IQCK: variants seen among roughly 807,000 people sequenced by gnomAD.
The protein encoded by IQCK is IQ domain-containing protein K.
In IQCK, 29 loss-of-function variants were observed where a neutral mutation model predicts 28.1. The ratio of observed to expected loss-of-function variants is 1.03; its 90% CI spans 0.77 to 1.41. IQCK has a LOEUF of 1.41. Among genes scored for constraint, IQCK ranks in the 40% most tolerant of loss-of-function variants. The pLI is 0.00. For missense variants in IQCK, 359 were observed against 314.7 expected (o/e 1.14, Z -1.07); for synonymous variants, 113 against 115.1 (o/e 0.98, Z 0.12).
At chr16:19,734,440 A>G (rs750632091) in intron 3 of IQCK, among the ~76,000 whole-genome samples, 6 of 145,126 alleles carry the variant, frequency 4.1e-5, no homozygotes, top group Non-Finnish European at 7.5e-5. Flanking sequence ...AGCCTGGGCA[A>G]CAGACTAAGA....
At chr16:19,733,672 G>A in intron 2 of IQCK, 26 bp from the exon 3 acceptor site, 2 of 1,611,004 alleles carry the variant, frequency 1.2e-6, no homozygotes, top group Non-Finnish European at 1.7e-6. Context: ...TAAATGAATT[G>A]CCTCCCCTCC....
chr16:19,827,126 A>G (rs1704620344), exon 8 of IQCK: 1 of 1,611,372 alleles, frequency 6.2e-7, no homozygotes, highest in Admixed American at 1.7e-5. Flanking sequence ...TGGGCCAAGC[A>G]AGAACAAAAA....
At chr16:19,733,243 T>C (rs1217705832) in intron 2 of IQCK, among the ~76,000 whole-genome samples, 2 of 152,060 alleles carry the variant, frequency 1.3e-5, no homozygotes, top group African/African-American at 4.8e-5. Context: ...GTTCAAGCAA[T>C]TATCCTGCCT....
chr16:19,783,566 A>T (rs969863310), intron 6 of IQCK, among the ~76,000 whole-genome samples: 1 of 151,714 alleles, frequency 6.6e-6, no homozygotes, highest in East Asian at 1.9e-4. Context: ...TTTTTATTTG[A>T]CCTTAAGCCA....
chr16:19,740,815 A>G (rs2054822256), intron 4 of IQCK, among the ~76,000 whole-genome samples: 1 of 151,782 alleles, frequency 6.6e-6, no homozygotes, highest in Non-Finnish European at 1.5e-5. Context: ...CTAAAAATAC[A>G]AAAATTAGCC....
chr16:19,763,813 G>A (rs1368535680), intron 4 of IQCK, 35 bp from the exon 5 acceptor site: 1 of 1,509,954 alleles, frequency 6.6e-7, no homozygotes. Flanking sequence ...GTGTTTAAGG[G>A]TCAGTTGTAA....
chr16:19,742,399 A>G (rs2054850740), intron 4 of IQCK, among the ~76,000 whole-genome samples: 1 of 152,142 alleles, frequency 6.6e-6, no homozygotes, highest in Admixed American at 6.5e-5. Flanking sequence ...TTATTTTCGA[A>G]GGCTTAAAAA....
intron 1 of IQCK, among the ~76,000 whole-genome samples, chr16:19,726,212 T>A (rs1977651509): frequency 6.6e-6 from 1 of 150,536 alleles, no homozygotes; most frequent in Admixed American, 6.6e-5. Context: ...CCGTGCCCAG[T>A]CCGGAACTCC....
rs2056130742 is a variant in IQCK, at chr16:19,825,183, G to A, written c.691-1843G>A. On this transcript the variant is annotated intron_variant, in intron 7 of 7. Transcript: ENST00000564186. The surrounding 1 kb of genome is among the most constrained non-coding windows in gnomAD (Gnocchi z 4.2). ...AACTCAGTTATCTCATCTGTAACAT[G>A]GAGATAATCATTCCTGCCTTATTGG... Among the ~76,000 whole-genome samples, 1 of 152,202 alleles carries A rather than the reference G, an allele frequency of 6.6e-6. No individual in the cohort carries two copies.
At chr16:19,785,778 A>G (rs2055554072) in intron 6 of IQCK, among the ~76,000 whole-genome samples, 1 of 152,212 alleles carries the variant, frequency 6.6e-6, no homozygotes, top group South Asian at 2.1e-4. Flanking sequence ...TTTGGACCCA[A>G]GAAGATTCTG....
At chr16:19,728,823 A>C (rs1977739867) in intron 1 of IQCK, among the ~76,000 whole-genome samples, 1 of 152,212 alleles carries the variant, frequency 6.6e-6, no homozygotes, top group South Asian at 2.1e-4. Flanking sequence ...CTGCAACCTG[A>C]CATTCTTGTC....
chr16:19,765,559 G>C (rs2055222172), intron 6 of IQCK, among the ~76,000 whole-genome samples: 1 of 151,826 alleles, frequency 6.6e-6, no homozygotes, highest in Non-Finnish European at 1.5e-5. Flanking sequence ...TTAGACTCTC[G>C]GCTCTCAGTT....
rs756433562 is a variant in IQCK at position 19,799,593 on chromosome 16, TATATACAC to T, written c.690+10673_690+10680del. ...GCCTATATTTTATTTTATATATATA[TATATACAC>T]ACACACACACACACACACACACACA... On this transcript the variant is annotated intron_variant, in intron 7 of 7. Transcript: ENST00000564186. 5.5e-3 allele frequency among the ~76,000 whole-genome samples: 562 copies of T among 103,094 alleles called. 42 individuals are homozygous for T. Among genetic ancestry groups the T allele is most frequent in the African/African-American group, 0.029 (524 of 17,952 alleles). 67.6% of individuals were successfully genotyped at this position (103,094 alleles called of 152,430 possible).
At chr16:19,835,039 C>T (rs2056277583) in intron 9 of IQCK, among the ~76,000 whole-genome samples, 1 of 152,032 alleles carries the variant, frequency 6.6e-6, no homozygotes. Context: ...CCGAGGCAGG[C>T]GGATCACTTG....
chr16:19,833,816 A>C lies in IQCK; in HGVS notation c.802+6679A>C, dbSNP rs7197172. On this transcript the variant is annotated intron_variant, in intron 9 of 9. Coordinates refer to the IQCK transcript ENST00000320394. ...TGCTTGTGACCTTAGGATTTGCTGG[A>C]GGCTGTGGTCACAGCTGTAATCCCA... 3.3e-3 allele frequency among the ~76,000 whole-genome samples: 500 copies of C among 152,204 alleles called. 4 individuals are homozygous for C. The highest frequency in any genetic ancestry group is 0.012 in the African/African-American group (489 of 41,550).
At chr16:19,839,232 C>T (rs951109902) in intron 9 of IQCK, among the ~76,000 whole-genome samples, 1 of 151,458 alleles carries the variant, frequency 6.6e-6, no homozygotes, top group African/African-American at 2.4e-5. Context: ...ATGATCTTGG[C>T]TCACTGCAAC....
intron 4 of IQCK, among the ~76,000 whole-genome samples, chr16:19,756,035 T>C (rs1449969996): frequency 6.6e-6 from 1 of 152,116 alleles, no homozygotes; most frequent in East Asian, 1.9e-4. Context: ...TTCAAAAAAA[T>C]TAGCTGGGCC....
At chr16:19,849,413 G>T (rs1366521438) in intron 9 of IQCK, among the ~76,000 whole-genome samples, 1 of 151,804 alleles carries the variant, frequency 6.6e-6, no homozygotes, top group Non-Finnish European at 1.5e-5. Context: ...TGTGGAATAG[G>T]AGTCACTTGT....
At chr16:19,733,599 G>A in intron 2 of IQCK, 99 bp from the exon 3 acceptor site, 3 of 1,391,724 alleles carry the variant, frequency 2.2e-6, no homozygotes, top group Non-Finnish European at 3.0e-6. Flanking sequence ...GAACCTTAAA[G>A]TCTGATGCAG....
Sources: gnomAD v4.1 joint callset for allele counts (sites outside exome capture counted in the v4.1 genomes callset) on GRCh38, gnomAD v4.1.1 for gene constraint, Gnocchi (gnomAD v3.1) non-coding constraint, MANE v1.5 for transcripts, NCBI Gene and HGNC (gene_info 2026-07-23, HGNC 2026-07-21) for gene names.